The following ASB18 variants were observed in gnomAD, a reference collection of about 807,000 sequenced individuals.
ASB18 encodes the protein ankyrin repeat and SOCS box containing 18.
Under a neutral mutation model 33.4 loss-of-function variants are expected in ASB18, and 33 were observed. The ratio of observed to expected loss-of-function variants is 0.99; its 90% CI spans 0.75 to 1.32. The LOEUF is 1.32. ASB18 is among the 40% of genes most tolerant of loss of function. The pLI is 0.00. For synonymous variants in ASB18, 295 were observed against 307.6 expected (o/e 0.96, Z 0.43); for missense variants, 694 against 655.5 (o/e 1.06, Z -0.64).
chr2:236,201,688 T>A (rs547190588), intron 4 of ASB18, among the ~76,000 whole-genome samples: 237 of 76,272 alleles, frequency 3.1e-3, no homozygotes, highest in African/African-American at 0.011. Flanking sequence ...CTGCACTTCA[T>A]TTTTTTTTTT....
In ASB18 at chr2:236,211,352, C is replaced by T. The variant is rs114066156; in HGVS notation, c.1101+3010G>A. 8.4e-3 allele frequency among the ~76,000 whole-genome samples: 1,280 copies of T among 152,338 alleles called. 17 individuals are homozygous for T. Among genetic ancestry groups the T allele is most frequent in the African/African-American group, 0.028 (1,184 of 41,574 alleles). On this transcript the variant is annotated intron_variant, in intron 4 of 5. Transcript: ENST00000409749. This position sits in a 1 kb window ranked among gnomAD's most constrained non-coding sequence, Gnocchi z 5.0. The stretch of plus-strand genomic sequence containing the variant: ...CTGTCAACACGTGGGCTTCCGAAGC[C>T]GTGACACTACTTTGATTCTCACTGC...
At chr2:236,197,364 G>A (rs1240172672) in intron 4 of ASB18, among the ~76,000 whole-genome samples, 1 of 152,218 alleles carries the variant, frequency 6.6e-6, no homozygotes, top group African/African-American at 2.4e-5. Flanking sequence ...ACTGGTTGCT[G>A]TGATGTATTT....
rs1276051642 is a variant in ASB18 at position 236,237,415 on chromosome 2, G to T, written c.596+274C>A. ...GGCCGGGGCCGGGGCGCGGGGCGGG[G>T]GCCGGGGCCGGGGCGCGGGGCGAGG... On this transcript the variant is annotated intron_variant, in intron 3 of 5. Transcript: ENST00000409749. The surrounding 1 kb of genome is among the most constrained non-coding windows in gnomAD (Gnocchi z 6.2). Among the ~76,000 whole-genome samples, 2 of 112,214 alleles carry T rather than the reference G, an allele frequency of 1.8e-5. No homozygotes were observed. Among genetic ancestry groups the T allele is most frequent in the African/African-American group, 4.5e-5 (1 of 22,150 alleles). The allele number at this position is 112,214 out of a possible 152,430, so 73.6% of individuals were successfully genotyped here. A position where few individuals can be genotyped will look rare whatever the true frequency, so the allele number is the denominator to read the frequency against.
intron 4 of ASB18, among the ~76,000 whole-genome samples, chr2:236,202,814 T>TATACACAC (rs1472095135): frequency 2.8e-4 from 35 of 126,582 alleles, no homozygotes; most frequent in African/African-American, 9.0e-4. Context: ...TATATATATA[T>TATACACAC]ACACACACCT....
chr2:236,214,500 C>G lies in ASB18; in HGVS notation c.963G>C (p.Ala321=), dbSNP rs749251191. ...GCGGCGAGGCCCCGCCATAGTCGAG[C>G]GCGCCCGCGTCGGCGCCGTGCCGCA... ...LLLRHGADAG[A]LDYGGASPLG... The change falls in exon 4 of 6, where the codon GCG becomes GCC. Residue 321 remains alanine, a synonymous_variant. Transcript: ENST00000409749. The surrounding 1 kb of genome is among the most constrained non-coding windows in gnomAD (Gnocchi z 6.5). The G allele has an allele frequency of 6.7e-6, 10 of 1,496,372 alleles. No homozygotes were observed. The Admixed American group carries it at 2.0e-4, about 30-fold the overall frequency. 92.7% of individuals were successfully genotyped at this position (1,496,372 alleles called of 1,614,324 possible).
chr2:236,234,614 G>A lies in ASB18; in HGVS notation c.596+3075C>T, dbSNP rs896505616. Reference sequence around the variant, plus strand: ...CAAGAGAGCTCAGAAATAAACTCACGCATATATAGTCCATTCATTTTTGAC... The same window carrying A: ...CAAGAGAGCTCAGAAATAAACTCACACATATATAGTCCATTCATTTTTGAC... On this transcript the variant is annotated intron_variant, in intron 3 of 5. Transcript: ENST00000409749. The surrounding 1 kb of genome is among the most constrained non-coding windows in gnomAD (Gnocchi z 4.1). Among the ~76,000 whole-genome samples the A allele has an allele frequency of 2.6e-5, 4 of 152,142 alleles. No homozygotes were observed. The highest frequency in any genetic ancestry group is 4.8e-5 in the African/African-American group (2 of 41,424).
chr2:236,256,661 A>G lies in ASB18; in HGVS notation c.205+7480T>C, dbSNP rs1343822175. ...TAGATGGATGTCATCAGCATACATT[A>G]TTTCTTTATTAGCCCGTTTCTCAAT... On this transcript the variant is annotated intron_variant, in intron 1 of 5. Coordinates refer to ENST00000409749, the MANE Select transcript of ASB18 (RefSeq NM_212556.4). The surrounding 1 kb of genome is among the most constrained non-coding windows in gnomAD (Gnocchi z 4.7). 6.6e-6 allele frequency among the ~76,000 whole-genome samples: 1 copy of G among 152,162 alleles called. No homozygotes were observed. Among genetic ancestry groups the G allele is most frequent in the Non-Finnish European group, 1.5e-5 (1 of 68,032 alleles).
rs62191023 is a variant in ASB18 at position 236,262,050 on chromosome 2, G to A, written c.205+2091C>T. On this transcript the variant is annotated intron_variant, in intron 1 of 5. Coordinates refer to ENST00000409749, the MANE Select transcript of ASB18 (RefSeq NM_212556.4). This position sits in a 1 kb window ranked among gnomAD's most constrained non-coding sequence, Gnocchi z 5.2. ...GGACACAGCCAAACCATATCAGTAT[G>A]TAATTTATAACTGTGGAAGGAATGT... 8.1e-3 allele frequency among the ~76,000 whole-genome samples: 1,241 copies of A among 152,316 alleles called. 11 individuals are homozygous for A. The highest frequency in any genetic ancestry group is 0.012 in the Non-Finnish European group (820 of 68,028).
rs1173043510 is a variant in ASB18, at chr2:236,215,782, C to T, written c.597-916G>A. Among the ~76,000 whole-genome samples, 2 of 152,118 alleles carry T rather than the reference C, an allele frequency of 1.3e-5. No homozygotes were observed. Among genetic ancestry groups the T allele is most frequent in the African/African-American group, 4.8e-5 (2 of 41,418 alleles). ...CTTGTCCTTCATGGACACGGAAAAACACAAGCCCACCCCCAACTTCAGCCA... is the reference window on the plus strand; with the variant it reads ...CTTGTCCTTCATGGACACGGAAAAATACAAGCCCACCCCCAACTTCAGCCA... On this transcript the variant is annotated intron_variant, in intron 3 of 5. Coordinates refer to ENST00000409749, the MANE Select transcript of ASB18 (RefSeq NM_212556.4). The surrounding 1 kb of genome is among the most constrained non-coding windows in gnomAD (Gnocchi z 7.2).
At chr2:236,210,576 G>A (rs542789883) in intron 4 of ASB18, 6 of 152,354 alleles carry the variant, frequency 3.9e-5, no homozygotes, top group Non-Finnish European at 7.3e-5. Flanking sequence ...ACCTGCAGGT[G>A]CGTTTTCCCG....
rs557304590 is a variant in ASB18, at chr2:236,245,617, T to G, written c.206-4215A>C. Reference sequence around the variant, plus strand: ...ATCCTCCAACACAGCTTAGCCTCCCTTGACCTCCAAGACCAGTCCTGATGT... The same window carrying G: ...ATCCTCCAACACAGCTTAGCCTCCCGTGACCTCCAAGACCAGTCCTGATGT... On this transcript the variant is annotated intron_variant, in intron 1 of 5. Transcript: ENST00000409749. The surrounding 1 kb of genome is among the most constrained non-coding windows in gnomAD (Gnocchi z 4.7). Among the ~76,000 whole-genome samples the G allele has an allele frequency of 3.3e-4, 50 of 152,302 alleles. No individual in the cohort carries two copies. The highest frequency in any genetic ancestry group is 1.0e-3 in the African/African-American group (43 of 41,560).
At position 236,220,817 on chromosome 2, in the gene ASB18, GT is replaced by G. The variant is rs1559331478; in HGVS notation, c.597-5952del. On this transcript the variant is annotated intron_variant, in intron 3 of 5. Transcript: ENST00000409749. This position sits in a 1 kb window ranked among gnomAD's most constrained non-coding sequence, Gnocchi z 5.1. The stretch of plus-strand genomic sequence containing the variant: ...TCTAGGCGTTTTCCACAAGTTATGA[GT>G]GACCTTTTCATTCATTCAATAAGCA... Among the ~76,000 whole-genome samples, 1 of 152,134 alleles carries G rather than the reference GT, an allele frequency of 6.6e-6. No individual in the cohort carries two copies. Among genetic ancestry groups the G allele is most frequent in the Non-Finnish European group, 1.5e-5 (1 of 68,036 alleles).
At position 236,209,721 on chromosome 2, in the gene ASB18, C is replaced by T. The variant is rs1449939242; in HGVS notation, c.1101+4641G>A. Among the ~76,000 whole-genome samples the T allele has an allele frequency of 6.6e-6, 1 of 152,190 alleles. No homozygotes were observed. Among genetic ancestry groups the T allele is most frequent in the Non-Finnish European group, 1.5e-5 (1 of 68,038 alleles). On this transcript the variant is annotated intron_variant, in intron 4 of 5. Transcript: ENST00000409749. The surrounding 1 kb of genome is among the most constrained non-coding windows in gnomAD (Gnocchi z 4.4). ...TTCCAAAATACTGATTGGATGATGT[C>T]ATCTCCTTCCTTGAAAATGATGTAA...
rs1218289984 is a variant in ASB18, at chr2:236,264,116, G to C, written c.205+25C>G. On this transcript the variant is annotated intron_variant, in intron 1 of 5. Coordinates refer to ENST00000409749, the MANE Select transcript of ASB18 (RefSeq NM_212556.4). The surrounding 1 kb of genome is among the most constrained non-coding windows in gnomAD (Gnocchi z 5.1). ...AGTGTAACTTAGTAATTAAATCCCAGATGCAGCAGGCTCGTTCTGGTTACC... is the reference window on the plus strand; with the variant it reads ...AGTGTAACTTAGTAATTAAATCCCACATGCAGCAGGCTCGTTCTGGTTACC... 1.2e-6 allele frequency: 2 copies of C among 1,608,334 alleles called. No homozygotes were observed. Among genetic ancestry groups the C allele is most frequent in the East Asian group, 2.2e-5 (1 of 44,822 alleles).
chr2:236,236,809 C>G (rs1435216245), intron 3 of ASB18, among the ~76,000 whole-genome samples: 1 of 152,206 alleles, frequency 6.6e-6, no homozygotes, highest in African/African-American at 2.4e-5. Flanking sequence ...GTTCCCAGCA[C>G]TAAACGTGGG....
In ASB18 at chr2:236,223,396, A is replaced by G. The variant is rs925168827; in HGVS notation, c.597-8530T>C. Among the ~76,000 whole-genome samples the G allele has an allele frequency of 1.3e-5, 2 of 152,190 alleles. No homozygotes were observed. The highest frequency in any genetic ancestry group is 4.8e-5 in the African/African-American group (2 of 41,452). On this transcript the variant is annotated intron_variant, in intron 3 of 5. Transcript: ENST00000409749. The surrounding 1 kb of genome is among the most constrained non-coding windows in gnomAD (Gnocchi z 4.6). Reference sequence around the variant, plus strand: ...TAGGTGAAGAGGAAGACCCAGTAGCATCAGAGTGAGTGGAAAGAAAAGGAG... The same window carrying G: ...TAGGTGAAGAGGAAGACCCAGTAGCGTCAGAGTGAGTGGAAAGAAAAGGAG...
rs2060672372 is a variant in ASB18, at chr2:236,252,382, G to T, written c.206-10980C>A. Among the ~76,000 whole-genome samples the T allele has an allele frequency of 6.6e-6, 1 of 151,972 alleles. No individual in the cohort carries two copies. Among genetic ancestry groups the T allele is most frequent in the African/African-American group, 2.4e-5 (1 of 41,380 alleles). ...ACGTGGCCACCATCAACTAGCGGTG[G>T]AATCAGATCACTGCTATATGGAGGT... On this transcript the variant is annotated intron_variant, in intron 1 of 5. Coordinates refer to ENST00000409749, the MANE Select transcript of ASB18 (RefSeq NM_212556.4). This position sits in a 1 kb window ranked among gnomAD's most constrained non-coding sequence, Gnocchi z 7.9.
chr2:236,233,136 C>A (rs989455821), intron 3 of ASB18, among the ~76,000 whole-genome samples: 5 of 152,074 alleles, frequency 3.3e-5, no homozygotes, highest in African/African-American at 4.8e-5. Context: ...GTTGGTTTAA[C>A]ATTTGAAAAT....
In ASB18 at chr2:236,214,508, C is replaced by T; in HGVS notation, c.955G>A (p.Ala319Thr). The T allele has an allele frequency of 6.8e-7, 1 of 1,473,822 alleles. No individual in the cohort carries two copies. The highest frequency in any genetic ancestry group is 1.3e-5 in the South Asian group (1 of 75,636). 91.3% of individuals were successfully genotyped at this position (1,473,822 alleles called of 1,614,324 possible). Residue 319 changes from alanine (A) to threonine (T), a missense_variant, in exon 4 of 6, where the codon GCG (alanine) becomes ACG (threonine). Coordinates refer to ENST00000409749, the MANE Select transcript of ASB18 (RefSeq NM_212556.4). The surrounding 1 kb of genome is among the most constrained non-coding windows in gnomAD (Gnocchi z 6.5). ...GCCCCGCCATAGTCGAGCGCGCCCGCGTCGGCGCCGTGCCGCAGTAGGAGG... is the reference window on the plus strand; with the variant it reads ...GCCCCGCCATAGTCGAGCGCGCCCGTGTCGGCGCCGTGCCGCAGTAGGAGG... ...ARLLLRHGAD[A>T]GALDYGGASP...
Sources: allele counts gnomAD v4.1 joint callset (sites outside exome capture counted in the v4.1 genomes callset), GRCh38; gene constraint gnomAD v4.1.1; non-coding constraint Gnocchi (gnomAD v3.1); transcripts MANE v1.5; gene names NCBI Gene and HGNC (gene_info 2026-07-23, HGNC 2026-07-21).